Variants in MYO16 observed in about 807,000 individuals in gnomAD.
MYO16 encodes unconventional myosin-XVI.
Under a neutral mutation model 205.3 loss-of-function variants are expected in MYO16, and 94 were observed. The ratio of observed to expected loss-of-function variants is 0.46; its 90% confidence interval spans 0.39 to 0.54. MYO16 has a LOEUF of 0.54. Among genes scored for constraint, MYO16 ranks in the 20% least tolerant of loss-of-function variants. MYO16 has a pLI of 0.00. For synonymous variants in MYO16, 988 were observed against 954.0 expected (o/e 1.04, Z -0.66); for missense variants, 2,315 against 2,387.5 (o/e 0.97, Z 0.63).
intron 31 of MYO16, among the ~76,000 whole-genome samples, chr13:109,136,945 GGTTATTA>G: frequency 6.6e-6 from 1 of 152,178 alleles, no homozygotes; most frequent in Non-Finnish European, 1.5e-5. Context: ...CCAAAGAAAA[GGTTATTA>G]TATCTCTCAT....
At chr13:108,800,221 T>C (rs985946851) in intron 6 of MYO16, among the ~76,000 whole-genome samples, 1 of 152,164 alleles carries the variant, frequency 6.6e-6, no homozygotes, top group African/African-American at 2.4e-5. Context: ...TCTCTTGCCG[T>C]TTACTTTGTG....
chr13:109,206,988 G>C lies in MYO16; in HGVS notation c.*152G>C. 1 of 398,704 alleles carries C rather than the reference G, an allele frequency of 2.5e-6. No individual in the cohort carries two copies. Among genetic ancestry groups the C allele is most frequent in the Non-Finnish European group, 4.5e-6 (1 of 222,978 alleles). The allele number at this position is 398,704 out of a possible 1,614,324, so 24.7% of individuals were successfully genotyped here. A position where few individuals can be genotyped will look rare whatever the true frequency, so the allele number is the denominator to read the frequency against. On this transcript the variant is annotated 3_prime_UTR_variant, in exon 35 of 35. Coordinates refer to ENST00000457511, the MANE Select transcript of MYO16 (RefSeq NM_001198950.3). ...ACAGACACTAAATATATGAGATCCCGTGTGTGTGTGTGTGTGTTTGTGTGT... is the reference window on the plus strand; with the variant it reads ...ACAGACACTAAATATATGAGATCCCCTGTGTGTGTGTGTGTGTTTGTGTGT...
At chr13:108,722,524 T>C (rs752680516) in intron 3 of MYO16, among the ~76,000 whole-genome samples, 47 of 152,276 alleles carry the variant, frequency 3.1e-4, no homozygotes, top group South Asian at 2.1e-3. Flanking sequence ...CAACACTGGA[T>C]CTAATTAACT....
chr13:108,543,644 G>GA, the MYO16 span, among the ~76,000 whole-genome samples: 1,866 of 77,482 alleles, frequency 0.024, 42 homozygotes, highest in South Asian at 0.1. Flanking sequence ...TCCCTCTCAA[G>GA]AAAAAAAAAA....
At chr13:108,688,262 C>T (rs1267058145) in intron 2 of MYO16, among the ~76,000 whole-genome samples, 1 of 152,000 alleles carries the variant, frequency 6.6e-6, no homozygotes, top group Non-Finnish European at 1.5e-5. Context: ...TGCAAGGAAA[C>T]AGATTTACAC....
At chr13:108,733,900 C>T (rs1039538778) in intron 4 of MYO16, among the ~76,000 whole-genome samples, 11 of 152,050 alleles carry the variant, frequency 7.2e-5, no homozygotes, top group African/African-American at 2.4e-4. Context: ...ACATGGGAGG[C>T]GGAGCCTGCA....
chr13:109,174,353 T>C (rs621399), intron 33 of MYO16, among the ~76,000 whole-genome samples: 150,946 of 152,278 alleles, frequency 0.99, 74,826 homozygotes, highest in East Asian at 1. Flanking sequence ...CCAGAATTTT[T>C]AAAGAAGCTG....
chr13:108,959,034 G>A (rs907490909), intron 17 of MYO16, among the ~76,000 whole-genome samples: 3 of 152,212 alleles, frequency 2.0e-5, no homozygotes, highest in African/African-American at 7.2e-5. Flanking sequence ...TGACGGGGCA[G>A]TGAGTAGGTG....
At chr13:108,866,791 C>A (rs185681400) in intron 12 of MYO16, among the ~76,000 whole-genome samples, 1 of 152,042 alleles carries the variant, frequency 6.6e-6, no homozygotes, top group East Asian at 1.9e-4. Context: ...ATCATAGGAG[C>A]TATTTTTTGT....
intron 2 of MYO16, among the ~76,000 whole-genome samples, chr13:108,686,219 G>A (rs1468206281): frequency 3.3e-5 from 5 of 152,186 alleles, no homozygotes. Flanking sequence ...ATACTCAGTC[G>A]AGTGGGCTGG....
intron 2 of MYO16, among the ~76,000 whole-genome samples, chr13:108,676,406 T>C (rs972640235): frequency 3.4e-5 from 5 of 148,756 alleles, no homozygotes; most frequent in South Asian, 2.1e-4. Flanking sequence ...TGTGTGTGTG[T>C]GCCAGCCATC....
At chr13:108,562,455 T>C in the MYO16 span, among the ~76,000 whole-genome samples, 3 of 152,226 alleles carry the variant, frequency 2.0e-5, no homozygotes, top group Non-Finnish European at 2.9e-5. Flanking sequence ...TGATTCATTT[T>C]AGAATCACTG....
intron 16 of MYO16, among the ~76,000 whole-genome samples, chr13:108,925,711 C>A (rs1436248790): frequency 6.6e-6 from 1 of 152,142 alleles, no homozygotes; most frequent in Non-Finnish European, 1.5e-5. Context: ...TGTAACAAAC[C>A]CGTCTACGTC....
chr13:108,931,284 A>C (rs762646270), intron 16 of MYO16, among the ~76,000 whole-genome samples: 3 of 152,216 alleles, frequency 2.0e-5, no homozygotes, highest in Non-Finnish European at 4.4e-5. Context: ...ATCCCCTACC[A>C]GTTCCCAGAA....
intron 16 of MYO16, among the ~76,000 whole-genome samples, chr13:108,911,143 C>G (rs1333265568): frequency 4.6e-5 from 7 of 151,620 alleles, no homozygotes; most frequent in Admixed American, 3.3e-4. Context: ...ATTGAGAGAA[C>G]AAATTGGCGG....
intron 16 of MYO16, among the ~76,000 whole-genome samples, chr13:108,930,018 A>G (rs1436445140): frequency 1.3e-5 from 2 of 152,244 alleles, no homozygotes; most frequent in Non-Finnish European, 2.9e-5. Context: ...TGATGCATGC[A>G]CTATAAATAA....
At chr13:108,932,487 A>G (rs1297243410) in intron 16 of MYO16, among the ~76,000 whole-genome samples, 1 of 152,210 alleles carries the variant, frequency 6.6e-6, no homozygotes, top group Non-Finnish European at 1.5e-5. Context: ...CCGGAGTGTT[A>G]CCAACCAAGG....
At chr13:108,568,138 T>A in the MYO16 span, among the ~76,000 whole-genome samples, 3 of 152,310 alleles carry the variant, frequency 2.0e-5, no homozygotes, top group East Asian at 5.8e-4. Flanking sequence ...TATTTCTACT[T>A]TTTGGTTATA....
intron 20 of MYO16, among the ~76,000 whole-genome samples, chr13:108,983,639 G>C (rs966440283): frequency 6.6e-6 from 1 of 152,176 alleles, no homozygotes; most frequent in East Asian, 1.9e-4. Context: ...GTGAGCGGAA[G>C]CAGGCAAGCA....
Sources: allele counts gnomAD v4.1 joint callset (sites outside exome capture counted in the v4.1 genomes callset), GRCh38; gene constraint gnomAD v4.1.1; transcripts MANE v1.5; gene names NCBI Gene and HGNC (gene_info 2026-07-23, HGNC 2026-07-21).